The following RECQL5 variants were observed in gnomAD, a reference collection of about 807,000 sequenced individuals.
RECQL5 encodes the protein RecQ like helicase 5.
In RECQL5, 88 loss-of-function variants were observed where a neutral mutation model predicts 103.4. The ratio of observed to expected loss-of-function variants is 0.85; its 90% CI spans 0.72 to 1.02. The LOEUF is 1.02. Ranked by LOEUF, RECQL5 falls within the 50% of genes least tolerant of loss-of-function variation. The probability of loss-of-function intolerance (pLI) is 0.00; values close to 1 mark genes in which losing one functional copy is unlikely to be tolerated. For synonymous variants in RECQL5, 552 were observed against 507.9 expected (o/e 1.09, Z -1.17); for missense variants, 1,232 against 1,284.3 (o/e 0.96, Z 0.62).
intron 8 of RECQL5, among the ~76,000 whole-genome samples, chr17:75,641,790 A>C (rs1222799607): frequency 6.6e-6 from 1 of 152,108 alleles, no homozygotes; most frequent in African/African-American, 2.4e-5. Flanking sequence ...GGAAGGCCCT[A>C]ATGTCACCTG....
chr17:75,633,798 G>C, intron 8 of RECQL5: 2 of 1,009,582 alleles, frequency 2.0e-6, no homozygotes, highest in Non-Finnish European at 2.4e-6. Flanking sequence ...TCCTGGCCAG[G>C]AAGGCAGAGA....
intron 7 of RECQL5, among the ~76,000 whole-genome samples, chr17:75,656,836 C>A (rs1009187754): frequency 7.3e-5 from 11 of 150,434 alleles, no homozygotes; most frequent in African/African-American, 2.7e-4. Context: ...GCTCTGCCTC[C>A]TGGGTTCACG....
In RECQL5 at chr17:75,661,288, G is replaced by A. The variant is rs76312238; in HGVS notation, c.875-222C>T. The stretch of plus-strand genomic sequence containing the variant: ...GGCACAGAGCATTTGGCAAAGGTTA[G>A]GGCCATGATTCAAGCCCAAGTCCGT... On this transcript the variant is annotated intron_variant, in intron 5 of 19. Transcript: ENST00000317905. Among the ~76,000 whole-genome samples the A allele has an allele frequency of 4.0e-3, 607 of 152,332 alleles. 1 individual carries two copies. The highest frequency in any genetic ancestry group is 5.5e-3 in the Non-Finnish European group (371 of 68,026).
chr17:75,657,087 G>A (rs2059632899), intron 7 of RECQL5, among the ~76,000 whole-genome samples: 1 of 152,002 alleles, frequency 6.6e-6, no homozygotes, highest in Non-Finnish European at 1.5e-5. Flanking sequence ...AGTACTTATA[G>A]GCTGGACACG....
intron 2 of RECQL5, 64 bp downstream of exon 2, chr17:75,666,364 G>C: frequency 6.3e-7 from 1 of 1,578,088 alleles, no homozygotes; most frequent in Non-Finnish European, 8.7e-7. Flanking sequence ...GGAGGAGGGT[G>C]TTCTGCCGCA....
chr17:75,663,495 T>C (rs763020702), intron 3 of RECQL5, among the ~76,000 whole-genome samples: 1 of 152,172 alleles, frequency 6.6e-6, no homozygotes, highest in Non-Finnish European at 1.5e-5. Context: ...AACTTTCCAC[T>C]TGTGGAATCA....
intron 14 of RECQL5, 95 bp from the exon 15 acceptor site, chr17:75,629,937 T>A: frequency 6.8e-7 from 1 of 1,472,380 alleles, no homozygotes. Flanking sequence ...TACAAGTGGG[T>A]TTCTGTGGCC....
rs1416687357 is a variant in RECQL5 at position 75,640,306 on chromosome 17, C to T, written c.1230-8638G>A. ...CTGAGCCCGTGGAGATCGTGGCCTT[C>T]TCAGTCATCATCCTTTTCACAGGTT... On this transcript the variant is annotated intron_variant, in intron 8 of 19. Coordinates refer to ENST00000317905, the MANE Select transcript of RECQL5 (RefSeq NM_004259.7). The surrounding 1 kb of genome is among the most constrained non-coding windows in gnomAD (Gnocchi z 4.6). 7 of 1,550,608 alleles carry T rather than the reference C, an allele frequency of 4.5e-6. No homozygotes were observed.
chr17:75,629,363 C>G lies in RECQL5; in HGVS notation c.2060G>C (p.Arg687Pro), dbSNP rs34941411. ...GCTCGGGGGCTCGTGCTCGCCTCCC[C>G]GCTCGGGCTGGGGGGCTTGCTCCCT... ...RIREQAPQPERGGEHEPPSRP... is the reference protein window; with the variant it reads ...RIREQAPQPEPGGEHEPPSRP... The change falls in exon 16 of 20, where the codon CGG becomes CCG. Residue 687 changes from arginine to proline, a missense_variant. By Grantham distance (103) the Arg-to-Pro change is moderately radical (BLOSUM62 -2). Coordinates refer to ENST00000317905, the MANE Select transcript of RECQL5 (RefSeq NM_004259.7). 20,708 of 1,512,814 alleles carry G rather than the reference C, an allele frequency of 0.014. 228 individuals carry two copies. The highest frequency in any genetic ancestry group is 0.014 in the Non-Finnish European group (15,727 of 1,131,040). The allele number at this position is 1,512,814 out of a possible 1,614,324, so 93.7% of individuals were successfully genotyped here.
intron 8 of RECQL5, chr17:75,647,398 G>A (rs1317969545): frequency 3.2e-6 from 5 of 1,549,640 alleles, no homozygotes; most frequent in Admixed American, 3.9e-5. Flanking sequence ...GGTATTCAAA[G>A]AGACAATCTG....
In RECQL5 at chr17:75,640,037, G is replaced by A; in HGVS notation, c.1230-8369C>T. On this transcript the variant is annotated intron_variant, in intron 8 of 19. Transcript: ENST00000317905. The surrounding 1 kb of genome is among the most constrained non-coding windows in gnomAD (Gnocchi z 4.6). ...GGCCACCACTAGGTGGAAGTCACCA[G>A]GGGTGCAATGTGTGAGACCTGACAA... The A allele has an allele frequency of 1.0e-6, 1 of 980,348 alleles. No individual in the cohort carries two copies. The highest frequency in any genetic ancestry group is 1.7e-5 in the African/African-American group (1 of 60,444). The allele number at this position is 980,348 out of a possible 1,614,324, so 60.7% of individuals were successfully genotyped here.
At position 75,630,294 on chromosome 17, in the gene RECQL5, A is replaced by G; in HGVS notation, c.1719-17T>C. On this transcript the variant is annotated splice_polypyrimidine_tract_variant and intron_variant, in intron 13 of 19. Transcript: ENST00000317905. ...AGGTCAGCTCTGTGGGTGCAAGGTAACAGGCACAAGGTATCAGGTGGGCCT... is the reference window on the plus strand; with the variant it reads ...AGGTCAGCTCTGTGGGTGCAAGGTAGCAGGCACAAGGTATCAGGTGGGCCT... The G allele has an allele frequency of 6.5e-7, 1 of 1,543,238 alleles. No homozygotes were observed. Among genetic ancestry groups the G allele is most frequent in the Non-Finnish European group, 8.7e-7 (1 of 1,143,020 alleles).
rs113918086 is a variant in RECQL5 at position 75,654,764 on chromosome 17, C to T, written c.1150-3499G>A. Among the ~76,000 whole-genome samples, 80 of 152,062 alleles carry T rather than the reference C, an allele frequency of 5.3e-4. 2 individuals are homozygous for T. The highest frequency in any genetic ancestry group is 1.5e-3 in the African/African-American group (64 of 41,482). ...CATCCTGAGTAGCTAGAACTACAGGCGCACATCACCATGCTCAGCTAATTT... is the reference window on the plus strand; with the variant it reads ...CATCCTGAGTAGCTAGAACTACAGGTGCACATCACCATGCTCAGCTAATTT... On this transcript the variant is annotated intron_variant, in intron 7 of 19. Transcript: ENST00000317905.
intron 3 of RECQL5, among the ~76,000 whole-genome samples, chr17:75,664,135 C>T (rs1228747302): frequency 6.6e-6 from 1 of 151,732 alleles, no homozygotes; most frequent in African/African-American, 2.4e-5. Flanking sequence ...GGTGAACATT[C>T]ACCAAGTTAT....
chr17:75,656,467 T>G (rs1323585627), intron 7 of RECQL5, among the ~76,000 whole-genome samples: 2 of 149,106 alleles, frequency 1.3e-5, no homozygotes, highest in Non-Finnish European at 3.0e-5. Flanking sequence ...GTAAATTAAG[T>G]TTTTTTTTTG....
At chr17:75,632,755 C>T (rs1326969623) in intron 8 of RECQL5, among the ~76,000 whole-genome samples, 1 of 152,234 alleles carries the variant, frequency 6.6e-6, no homozygotes, top group African/African-American at 2.4e-5. Context: ...ATAGCTCTCT[C>T]AGGCTCCTTA....
In RECQL5 at chr17:75,667,135, A is replaced by G. The variant is rs765361817; in HGVS notation, c.-106T>C. On this transcript the variant is annotated 5_prime_UTR_variant, in exon 1 of 20. Coordinates refer to ENST00000317905, the MANE Select transcript of RECQL5 (RefSeq NM_004259.7). ...CCTATACACAACCCCAACTCAGAGAAGCCAAAGCGCTGGGAATTCAGCTTT... is the reference window on the plus strand; with the variant it reads ...CCTATACACAACCCCAACTCAGAGAGGCCAAAGCGCTGGGAATTCAGCTTT... The G allele has an allele frequency of 2.0e-5, 11 of 543,700 alleles. No homozygotes were observed. The highest frequency in any genetic ancestry group is 2.9e-5 in the Non-Finnish European group (9 of 305,174). 33.7% of individuals were successfully genotyped at this position (543,700 alleles called of 1,614,324 possible). A position where few individuals can be genotyped will look rare whatever the true frequency, so the allele number is the denominator to read the frequency against.
intron 7 of RECQL5, among the ~76,000 whole-genome samples, chr17:75,653,696 C>G (rs1460072184): frequency 6.6e-6 from 1 of 152,018 alleles, no homozygotes; most frequent in Non-Finnish European, 1.5e-5. Context: ...GTCAGGAGTT[C>G]GAGACCAGCC....
intron 8 of RECQL5, chr17:75,634,310 G>A (rs911608102): frequency 6.2e-6 from 6 of 962,636 alleles, no homozygotes; most frequent in Admixed American, 6.2e-5. Flanking sequence ...AGAGGTCTTC[G>A]GGGACATGCT....
Sources: gnomAD v4.1 joint callset for allele counts (sites outside exome capture counted in the v4.1 genomes callset) on GRCh38, gnomAD v4.1.1 for gene constraint, Gnocchi (gnomAD v3.1) non-coding constraint, MANE v1.5 for transcripts, NCBI Gene and HGNC (gene_info 2026-07-23, HGNC 2026-07-21) for gene names.